XRCC1: variants seen among roughly 807,000 people sequenced by gnomAD.
XRCC1 encodes the protein DNA repair protein XRCC1.
Under a neutral mutation model 83.3 loss-of-function variants are expected in XRCC1, and 52 were observed. That is an observed-to-expected ratio of 0.62 (90% CI 0.50 to 0.79). XRCC1 has a LOEUF of 0.79. Among genes scored for constraint, XRCC1 ranks in the 30% least tolerant of loss-of-function variants. The pLI, the probability that XRCC1 is intolerant of heterozygous loss-of-function variation, is 0.00. For missense variants in XRCC1, 793 were observed against 823.5 expected (o/e 0.96, Z 0.45); for synonymous variants, 281 against 312.6 (o/e 0.90, Z 1.07).
Position 43,574,929 on chromosome 19 carries a change from G to C in XRCC1, c.125C>G (p.Thr42Ser). ...KWRAAKAGEK[T>S]ISVVLQLEKE... is the part of the protein sequence containing the mutation. ...GATCACCTGTAGGACCACAGAGATG[G>C]TCTTCTCGCCTGCCTTGGCTGCCCG... The change falls in exon 2 of 17, where the codon ACC becomes AGC. Residue 42 changes from threonine (T) to serine (S), a missense_variant. Coordinates refer to ENST00000262887, the MANE Select transcript of XRCC1 (RefSeq NM_006297.3). 6.2e-7 allele frequency: 1 copy of C among 1,614,114 alleles called. No homozygotes were observed. Among genetic ancestry groups the C allele is most frequent in the South Asian group, 1.1e-5 (1 of 91,084 alleles).
At chr19:43,573,803 A>G (rs1298442935) in intron 2 of XRCC1, among the ~76,000 whole-genome samples, 4 of 152,112 alleles carry the variant, frequency 2.6e-5, no homozygotes, top group Non-Finnish European at 4.4e-5. Context: ...TGAGCCCAGG[A>G]GGTAGAGGCT....
chr19:43,563,586 G>A (rs1218368866), intron 2 of XRCC1, among the ~76,000 whole-genome samples: 5 of 152,230 alleles, frequency 3.3e-5, no homozygotes, highest in African/African-American at 9.6e-5. Flanking sequence ...CAGCCACAAC[G>A]GCCTCCCTTC....
At chr19:43,548,780 A>AC (rs1388596532) in intron 10 of XRCC1, among the ~76,000 whole-genome samples, 1 of 144,380 alleles carries the variant, frequency 6.9e-6, no homozygotes, top group African/African-American at 2.5e-5. Context: ...AAAAAAAAAA[A>AC]AAAAAACACA....
intron 3 of XRCC1, among the ~76,000 whole-genome samples, chr19:43,558,865 A>C (rs1972666453): frequency 6.6e-6 from 1 of 151,700 alleles, no homozygotes; most frequent in African/African-American, 2.4e-5. Context: ...AGCCAGGTGC[A>C]GTGGCTCAGG....
intron 1 of XRCC1, 158 bp downstream of exon 1, chr19:43,575,250 C>G (rs1277247427): frequency 2.2e-6 from 2 of 907,800 alleles, no homozygotes; most frequent in Non-Finnish European, 3.3e-6. Context: ...GACGCCGGAA[C>G]GTCCCTAATT....
Position 43,552,286 on chromosome 19 carries a change from C to CAA in XRCC1, c.824-13_824-12dup. 6.3e-7 allele frequency: 1 copy of CAA among 1,576,856 alleles called. No homozygotes were observed. Among genetic ancestry groups the CAA allele is most frequent in the Non-Finnish European group, 8.6e-7 (1 of 1,160,990 alleles). On this transcript the variant is annotated splice_polypyrimidine_tract_variant and intron_variant, in intron 8 of 16. Transcript: ENST00000262887. ...GAGTTGGAGCTGGCACTGGAGAAGA[C>CAA]AAAGAGTAGATTAGGTTAGCACCAC...
rs201954068 is a variant in XRCC1, at chr19:43,552,091, G to A, written c.1008C>T (p.Ser336=). 61 of 1,613,946 alleles carry A rather than the reference G, an allele frequency of 3.8e-5. No homozygotes were observed. Among genetic ancestry groups the A allele is most frequent in the African/African-American group, 6.7e-5 (5 of 74,878 alleles). ...VLSGFQNPFR[S]ELRDKALELG... ...GCTCTAGGGCCTTATCTCGCAGCTCGGAGCGGAAGGGGTTCTGGAAGCCAC... is the reference window on the plus strand; with the variant it reads ...GCTCTAGGGCCTTATCTCGCAGCTCAGAGCGGAAGGGGTTCTGGAAGCCAC... Residue 336 remains serine (S), a synonymous_variant, in exon 9 of 17, where the codon TCC becomes TCT. Transcript: ENST00000262887.
intron 10 of XRCC1, among the ~76,000 whole-genome samples, chr19:43,547,298 G>A (rs927036073): frequency 6.6e-6 from 1 of 151,676 alleles, no homozygotes; most frequent in Non-Finnish European, 1.5e-5. Context: ...CGACTCCCCT[G>A]CCTCAGCCTC....
At chr19:43,568,977 T>TA (rs34220562) in intron 2 of XRCC1, among the ~76,000 whole-genome samples, 14,737 of 137,094 alleles carry the variant, frequency 0.11, 851 homozygotes, top group Admixed American at 0.16. Context: ...CCAAAAAGCT[T>TA]AAAAAAAAAA....
In XRCC1 at chr19:43,552,218, G is replaced by A. The variant is rs1358328864; in HGVS notation, c.881C>T (p.Ala294Val). 1.9e-6 allele frequency: 3 copies of A among 1,613,604 alleles called. No individual in the cohort carries two copies. In the East Asian group the frequency reaches 6.7e-5, roughly 36 times the overall value. Reference sequence around the variant, plus strand: ...TTCTCCTCGGGGTTTGCCTGTCACTGCCCCCTGTGCTCGGGCAGGGACTGG... The same window carrying A: ...TTCTCCTCGGGGTTTGCCTGTCACTACCCCCTGTGCTCGGGCAGGGACTGG... ...TAPVPARAQG[A>V]VTGKPRGEGT... Residue 294 changes from alanine (A) to valine (V), a missense_variant, in exon 9 of 17, where the codon GCA (alanine) becomes GTA (valine). Physicochemically the swap from Ala to Val is moderately conservative, Grantham distance 64 (BLOSUM62 0). Coordinates refer to ENST00000262887, the MANE Select transcript of XRCC1 (RefSeq NM_006297.3).
At chr19:43,565,673 C>T (rs1247622100) in intron 2 of XRCC1, among the ~76,000 whole-genome samples, 3 of 152,248 alleles carry the variant, frequency 2.0e-5, no homozygotes, top group African/African-American at 2.4e-5. Flanking sequence ...CACTGGCTCA[C>T]GCCTGTAATC....
intron 3 of XRCC1, among the ~76,000 whole-genome samples, chr19:43,555,919 T>G (rs902901755): frequency 2.0e-5 from 3 of 152,190 alleles, no homozygotes; most frequent in African/African-American, 7.2e-5. Flanking sequence ...AGACAGGGTC[T>G]TTCTCTGTCA....
At chr19:43,552,566 C>G (rs1373585566) in intron 8 of XRCC1, among the ~76,000 whole-genome samples, 1 of 148,094 alleles carries the variant, frequency 6.8e-6, no homozygotes, top group African/African-American at 2.5e-5. Flanking sequence ...TCTCTCAGAC[C>G]CAGGGGTCCA....
intron 10 of XRCC1, among the ~76,000 whole-genome samples, chr19:43,547,230 A>G (rs1022327185): frequency 6.6e-6 from 1 of 150,856 alleles, no homozygotes; most frequent in African/African-American, 2.4e-5. Context: ...TTCCATCGCC[A>G]GGCTGGAGTG....
intron 12 of XRCC1, among the ~76,000 whole-genome samples, 186 bp from the exon 13 acceptor site, chr19:43,546,292 T>G (rs2146042727): frequency 9.6e-6 from 1 of 104,710 alleles, no homozygotes; most frequent in South Asian, 3.2e-4. Context: ...CCCTCCTCCC[T>G]CAGACCCAGG....
At chr19:43,571,118 GAGTAAAAGCTCA>G (rs1972803419) in intron 2 of XRCC1, among the ~76,000 whole-genome samples, 3 of 152,104 alleles carry the variant, frequency 2.0e-5, no homozygotes, top group African/African-American at 7.2e-5. Flanking sequence ...CTCACACCTG[GAGTAAAAGCTCA>G]AGTCCTTTCA....
At chr19:43,558,047 T>A (rs1240384596) in intron 3 of XRCC1, among the ~76,000 whole-genome samples, 1 of 152,204 alleles carries the variant, frequency 6.6e-6, no homozygotes, top group Non-Finnish European at 1.5e-5. Context: ...TATATTGACT[T>A]CTCATCTTGT....
In XRCC1 at chr19:43,563,970, T is replaced by A. The variant is rs150304661; in HGVS notation, c.145-2950A>T. Among the ~76,000 whole-genome samples, 65 of 152,314 alleles carry A rather than the reference T, an allele frequency of 4.3e-4. No homozygotes were observed. The Middle Eastern group carries it at 0.01, about 24-fold the overall frequency. On this transcript the variant is annotated intron_variant, in intron 2 of 16. Transcript: ENST00000262887. ...CCCCAAGGCCAAGAACAGTGTCTGG[T>A]CCTTCCCAGCTCTGCTGATTTCCTG...
intron 3 of XRCC1, chr19:43,555,060 A>C (rs1185517379): frequency 3.1e-6 from 1 of 325,306 alleles, no homozygotes; most frequent in Non-Finnish European, 5.6e-6. Context: ...AGTCTTCCAT[A>C]TCTGGCAATA....
Sources: allele counts gnomAD v4.1 joint callset (sites outside exome capture counted in the v4.1 genomes callset), GRCh38; gene constraint gnomAD v4.1.1; transcripts MANE v1.5; gene names NCBI Gene and HGNC (gene_info 2026-07-23, HGNC 2026-07-21).